MSRB3: variants seen among roughly 807,000 people sequenced by gnomAD.
The protein encoded by MSRB3 is methionine-R-sulfoxide reductase B3.
Under a neutral mutation model 21.0 loss-of-function variants are expected in MSRB3, and 13 were observed. The ratio of observed to expected loss-of-function variants is 0.62; its 90% CI spans 0.40 to 0.98. The LOEUF (loss-of-function observed/expected upper bound fraction) is 0.98, where lower values mean the gene tolerates loss of function less well. MSRB3 is among the 50% of genes least tolerant of loss of function. MSRB3 has a pLI of 0.00. For synonymous variants in MSRB3, 87 were observed against 88.6 expected (o/e 0.98, Z 0.10); for missense variants, 199 against 230.3 (o/e 0.86, Z 0.88).
intron 5 of MSRB3, among the ~76,000 whole-genome samples, chr12:65,418,451 T>C (rs761363712): frequency 2.6e-5 from 4 of 152,138 alleles, no homozygotes; most frequent in Non-Finnish European, 4.4e-5. Flanking sequence ...ATCCTATAGG[T>C]TGTCTCTTTG....
intron 5 of MSRB3, among the ~76,000 whole-genome samples, chr12:65,452,144 A>G (rs1882885548): frequency 6.6e-6 from 1 of 152,156 alleles, no homozygotes; most frequent in African/African-American, 2.4e-5. Flanking sequence ...TTTATGGTAA[A>G]TTTAATACAA....
At chr12:65,456,026 C>T (rs1031281426) in intron 6 of MSRB3, among the ~76,000 whole-genome samples, 1 of 152,126 alleles carries the variant, frequency 6.6e-6, no homozygotes, top group African/African-American at 2.4e-5. Flanking sequence ...CATGAGCCAC[C>T]GTGCCCAGCC....
chr12:65,387,592 AGACC>A (rs1198144724), intron 5 of MSRB3, among the ~76,000 whole-genome samples: 3 of 152,170 alleles, frequency 2.0e-5, no homozygotes, highest in South Asian at 2.1e-4. Flanking sequence ...TGAGTCAGAC[AGACC>A]ATCATTTGAA....
chr12:65,399,720 A>G (rs1178850871), intron 5 of MSRB3, among the ~76,000 whole-genome samples: 1 of 152,148 alleles, frequency 6.6e-6, no homozygotes, highest in African/African-American at 2.4e-5. Context: ...CCCATTCAGT[A>G]TGATATTGAC....
At chr12:65,358,665 G>A (rs1362696351) in intron 4 of MSRB3, among the ~76,000 whole-genome samples, 1 of 151,822 alleles carries the variant, frequency 6.6e-6, no homozygotes, top group African/African-American at 2.4e-5. Flanking sequence ...AGGAGTCCTG[G>A]TTTTCTTTAT....
At chr12:65,319,138 G>C (rs1017051075) in intron 2 of MSRB3, among the ~76,000 whole-genome samples, 1 of 152,092 alleles carries the variant, frequency 6.6e-6, no homozygotes, top group South Asian at 2.1e-4. Flanking sequence ...TTGACTTACA[G>C]TAAGAAAATG....
chr12:65,437,231 G>A (rs934711712), intron 5 of MSRB3, among the ~76,000 whole-genome samples: 1 of 151,810 alleles, frequency 6.6e-6, no homozygotes, highest in Non-Finnish European at 1.5e-5. Flanking sequence ...ACAGATCATG[G>A]AAGGAGTTTG....
chr12:65,392,081 G>GA (rs1249038129), intron 5 of MSRB3, among the ~76,000 whole-genome samples: 1 of 152,104 alleles, frequency 6.6e-6, no homozygotes, highest in African/African-American at 2.4e-5. Context: ...ATTGCATTTA[G>GA]AACAGATTTT....
intron 4 of MSRB3, among the ~76,000 whole-genome samples, chr12:65,334,295 G>T (rs912983767): frequency 1.3e-5 from 2 of 152,116 alleles, no homozygotes; most frequent in Non-Finnish European, 2.9e-5. Context: ...TCATATATGT[G>T]AACTCATTTA....
chr12:65,455,205 T>G (rs890477745), intron 6 of MSRB3, among the ~76,000 whole-genome samples: 1 of 151,376 alleles, frequency 6.6e-6, no homozygotes, highest in African/African-American at 2.4e-5. Context: ...GGAGGGAGGT[T>G]AGTTTGAACC....
At chr12:65,354,864 GA>G (rs1214671987) in intron 4 of MSRB3, among the ~76,000 whole-genome samples, 1 of 151,784 alleles carries the variant, frequency 6.6e-6, no homozygotes, top group African/African-American at 2.4e-5. Flanking sequence ...ACCACAAGCT[GA>G]AATGGAGACA....
At chr12:65,353,717 CCATTTA>C (rs1187522555) in intron 4 of MSRB3, among the ~76,000 whole-genome samples, 1 of 152,092 alleles carries the variant, frequency 6.6e-6, no homozygotes, top group Admixed American at 6.6e-5. Flanking sequence ...AGCATTTAGC[CCATTTA>C]CATTTAAAGT....
At chr12:65,410,987 G>GTATTTGATATA (rs1264561535) in intron 5 of MSRB3, among the ~76,000 whole-genome samples, 2 of 152,040 alleles carry the variant, frequency 1.3e-5, no homozygotes, top group Non-Finnish European at 2.9e-5. Context: ...CTTTTATGGG[G>GTATTTGATATA]TAGCGTATTT....
At chr12:65,298,171 T>G (rs1379862126) in intron 1 of MSRB3, among the ~76,000 whole-genome samples, 1 of 152,122 alleles carries the variant, frequency 6.6e-6, no homozygotes, top group Non-Finnish European at 1.5e-5. Context: ...GACTGGCTAA[T>G]TTTTGTATTT....
intron 5 of MSRB3, among the ~76,000 whole-genome samples, chr12:65,387,458 G>A (rs577683872): frequency 6.6e-6 from 1 of 152,040 alleles, no homozygotes; most frequent in East Asian, 1.9e-4. Flanking sequence ...ATTTTAACTT[G>A]CATTTTTGAT....
rs568412720 is a variant in MSRB3 at position 65,464,828 on chromosome 12, G to C, written c.*1506G>C. 1 of 152,320 alleles carries C rather than the reference G, an allele frequency of 6.6e-6. No individual in the cohort carries two copies. Among genetic ancestry groups the C allele is most frequent in the Non-Finnish European group, 1.5e-5 (1 of 68,028 alleles). 9.4% of individuals were successfully genotyped at this position (152,320 alleles called of 1,614,324 possible). A position where few individuals can be genotyped will look rare whatever the true frequency, so the allele number is the denominator to read the frequency against. On this transcript the variant is annotated 3_prime_UTR_variant, in exon 7 of 7. Coordinates refer to ENST00000308259, the MANE Select transcript of MSRB3 (RefSeq NM_001031679.3). The stretch of plus-strand genomic sequence containing the variant: ...CTGGAGAGACATGGGCATTCACATG[G>C]AAAGCTAAAACGGAAGCTCAAGTTT...
chr12:65,358,137 A>G (rs548029002), intron 4 of MSRB3, among the ~76,000 whole-genome samples: 11 of 151,776 alleles, frequency 7.2e-5, no homozygotes, highest in African/African-American at 2.7e-4. Context: ...CATTTTTTAG[A>G]GGCAGGGTAT....
intron 4 of MSRB3, among the ~76,000 whole-genome samples, chr12:65,340,941 T>C (rs1209689142): frequency 6.6e-6 from 1 of 152,036 alleles, no homozygotes; most frequent in East Asian, 1.9e-4. Context: ...ATCACAAAAA[T>C]AAATTATTCC....
intron 5 of MSRB3, among the ~76,000 whole-genome samples, chr12:65,440,526 T>C (rs915620226): frequency 6.6e-6 from 1 of 151,848 alleles, no homozygotes; most frequent in African/African-American, 2.4e-5. Flanking sequence ...AATTTAATAA[T>C]ACCTTCCTGA....
Sources: gnomAD v4.1 joint callset for allele counts (sites outside exome capture counted in the v4.1 genomes callset) on GRCh38, gnomAD v4.1.1 for gene constraint, MANE v1.5 for transcripts, NCBI Gene and HGNC (gene_info 2026-07-23, HGNC 2026-07-21) for gene names.